Variants in LRRC37A2 observed in about 807,000 individuals in gnomAD.
The protein encoded by LRRC37A2 is leucine-rich repeat-containing protein 37A2.
A neutral mutation model predicts 68.8 loss-of-function variants in LRRC37A2; 9 were observed. The ratio of observed to expected loss-of-function variants is 0.13; its 90% CI spans 0.08 to 0.23. The LOEUF is 0.23. LRRC37A2 is among the 10% of genes least tolerant of loss of function. The probability of loss-of-function intolerance (pLI) is 1.00; values close to 1 mark genes in which losing one functional copy is unlikely to be tolerated. For missense variants in LRRC37A2, 168 were observed against 950.4 expected, an observed-to-expected ratio of 0.18 and a Z score of 10.82; for synonymous variants, 63 against 367.6, an observed-to-expected ratio of 0.17 and a Z score of 9.48.
At chr17:46,934,433 A>C in the LRRC37A2 span, among the ~76,000 whole-genome samples, 1 of 152,082 alleles carries the variant, frequency 6.6e-6, no homozygotes, top group South Asian at 2.1e-4. Flanking sequence ...GAGGTGGGAG[A>C]ATTGTTTGAG....
chr17:47,033,141 C>A, the LRRC37A2 span: 1 of 583,356 alleles, frequency 1.7e-6, no homozygotes, highest in South Asian at 2.1e-5. Flanking sequence ...CACTTGACTC[C>A]AGGAGGTGGA....
At chr17:46,961,001 G>A in the LRRC37A2 span, among the ~76,000 whole-genome samples, 2 of 151,870 alleles carry the variant, frequency 1.3e-5, no homozygotes, top group Admixed American at 6.6e-5. Flanking sequence ...AAAATAAAAG[G>A]CATTTATAAT....
At chr17:46,713,320 C>T in the LRRC37A2 span, 2 of 153,180 alleles carry the variant, frequency 1.3e-5, no homozygotes, top group African/African-American at 4.8e-5. Context: ...AGGGACACAG[C>T]TTCCAAAACA....
chr17:46,998,055 AATC>A, the LRRC37A2 span, among the ~76,000 whole-genome samples: 1 of 152,150 alleles, frequency 6.6e-6, no homozygotes, highest in Non-Finnish European at 1.5e-5. Context: ...GACATCAACT[AATC>A]ATATTGTGTG....
the LRRC37A2 span, among the ~76,000 whole-genome samples, chr17:46,856,152 G>C: frequency 6.6e-6 from 1 of 152,222 alleles, no homozygotes; most frequent in South Asian, 2.1e-4. Context: ...AGAAGTTTAT[G>C]AAAGCCCAAG....
At chr17:47,010,873 C>T in the LRRC37A2 span, 2 of 152,268 alleles carry the variant, frequency 1.3e-5, no homozygotes, top group African/African-American at 4.8e-5. Context: ...CTTCCTCCTT[C>T]CCGAGGCTCA....
At chr17:46,880,613 G>C in the LRRC37A2 span, among the ~76,000 whole-genome samples, 1 of 152,190 alleles carries the variant, frequency 6.6e-6, no homozygotes, top group South Asian at 2.1e-4. Flanking sequence ...CATGGTCCCC[G>C]TAATGGATAA....
the LRRC37A2 span, among the ~76,000 whole-genome samples, chr17:46,817,428 A>G: frequency 6.6e-6 from 1 of 152,096 alleles, no homozygotes; most frequent in East Asian, 1.9e-4. Context: ...CTTTAATTAA[A>G]GTTTTCCGGA....
chr17:47,023,536 C>A, the LRRC37A2 span, among the ~76,000 whole-genome samples: 1 of 152,114 alleles, frequency 6.6e-6, no homozygotes, highest in Non-Finnish European at 1.5e-5. Context: ...CAAAAAGTAG[C>A]CAGGTGTGGT....
At chr17:46,558,538 C>A (rs1402344488), downstream of LRRC37A2, among the ~76,000 whole-genome samples, 4 of 115,258 alleles carry the variant, frequency 3.5e-5, no homozygotes, top group African/African-American at 1.4e-4. Context: ...AGGCACCCAC[C>A]ACCATGCCCG....
At chr17:46,899,726 T>C in the LRRC37A2 span, among the ~76,000 whole-genome samples, 1 of 152,188 alleles carries the variant, frequency 6.6e-6, no homozygotes, top group Non-Finnish European at 1.5e-5. Flanking sequence ...ACACTGAGTA[T>C]ATACAACCCA....
the LRRC37A2 span, among the ~76,000 whole-genome samples, chr17:46,707,196 A>G: frequency 6.6e-6 from 1 of 152,166 alleles, no homozygotes; most frequent in African/African-American, 2.4e-5. Flanking sequence ...ATGAGATCTC[A>G]TTTCAGTCTT....
chr17:47,030,088 A>ATCATC, the LRRC37A2 span, among the ~76,000 whole-genome samples: 8 of 107,122 alleles, frequency 7.5e-5, no homozygotes, highest in African/African-American at 3.1e-4. Flanking sequence ...TAATAATAAT[A>ATCATC]ATCATCATCA....
chr17:46,874,639 G>A, the LRRC37A2 span, among the ~76,000 whole-genome samples: 7,957 of 152,116 alleles, frequency 0.052, 702 homozygotes, highest in African/African-American at 0.18. Flanking sequence ...GTGCAATGGC[G>A]CAATCTCAGC....
the LRRC37A2 span, chr17:46,932,183 G>C: frequency 6.2e-7 from 1 of 1,614,036 alleles, no homozygotes; most frequent in Non-Finnish European, 8.5e-7. Flanking sequence ...CTTCTGTCTC[G>C]AACCTTCACC....
chr17:46,633,322 GT>G, the LRRC37A2 span, among the ~76,000 whole-genome samples: 4 of 88,194 alleles, frequency 4.5e-5, no homozygotes, highest in Non-Finnish European at 4.9e-5. Flanking sequence ...TTGTTTTTTT[GT>G]TTTTTTTTTG....
chr17:46,745,385 G>A, the LRRC37A2 span, among the ~76,000 whole-genome samples: 5 of 152,194 alleles, frequency 3.3e-5, no homozygotes, highest in Non-Finnish European at 7.3e-5. Flanking sequence ...ACTTGCCTGG[G>A]TCATGACCTC....
the LRRC37A2 span, among the ~76,000 whole-genome samples, chr17:46,779,757 G>A: frequency 5.2e-4 from 29 of 56,280 alleles, no homozygotes; most frequent in Middle Eastern, 7.9e-3. Context: ...AGGCAGAGAG[G>A]ACCTTTTTTT....
chr17:46,818,401 G>C, the LRRC37A2 span: 1 of 1,023,592 alleles, frequency 9.8e-7, no homozygotes, highest in Non-Finnish European at 1.5e-6. Flanking sequence ...TGGGGGGCTG[G>C]AGGGAGGCGA....
Sources: gnomAD v4.1 joint callset for allele counts (sites outside exome capture counted in the v4.1 genomes callset) on GRCh38, gnomAD v4.1.1 for gene constraint, MANE v1.5 for transcripts, NCBI Gene and HGNC (gene_info 2026-07-23, HGNC 2026-07-21) for gene names.